The following ROBO2 variants were observed in gnomAD, a reference collection of about 807,000 sequenced individuals.
The protein encoded by ROBO2 is roundabout homolog 2.
ROBO2 carries 53 observed loss-of-function variants against 160.8 expected under a neutral mutation model. The ratio of observed to expected loss-of-function variants is 0.33; its 90% CI spans 0.26 to 0.41. The LOEUF is 0.41. Among genes scored for constraint, ROBO2 ranks in the 10% least tolerant of loss-of-function variants. The pLI is 1.00. For synonymous variants in ROBO2, 664 were observed against 611.7 expected, an observed-to-expected ratio of 1.09 and a Z score of -1.26; for missense variants, 1,577 against 1,722.4, an observed-to-expected ratio of 0.92 and a Z score of 1.49.
intron 2 of ROBO2, among the ~76,000 whole-genome samples, chr3:77,375,911 G>A (rs1382283136): frequency 6.6e-6 from 1 of 152,046 alleles, no homozygotes; most frequent in African/African-American, 2.4e-5. Context: ...TTTCAGTACT[G>A]CATTTTAGCC....
At chr3:77,307,179 C>T (rs184148897) in intron 2 of ROBO2, among the ~76,000 whole-genome samples, 79 of 152,198 alleles carry the variant, frequency 5.2e-4, no homozygotes, top group Admixed American at 1.7e-3. Context: ...ATCCTGGCCT[C>T]GTTAATTTAT....
At chr3:77,009,751 G>A (rs760703052) in intron 2 of ROBO2, among the ~76,000 whole-genome samples, 1 of 151,966 alleles carries the variant, frequency 6.6e-6, no homozygotes, top group Non-Finnish European at 1.5e-5. Flanking sequence ...TTCAGGACAA[G>A]CTTGGCCATC....
chr3:77,602,889 A>C, intron 20 of ROBO2: 1 of 463,306 alleles, frequency 2.2e-6, no homozygotes, highest in South Asian at 1.5e-5. Flanking sequence ...TTGTGCTGTG[A>C]ACTAATCACA....
At chr3:76,344,541 A>T (rs1261440292) in intron 2 of ROBO2, among the ~76,000 whole-genome samples, 1 of 152,154 alleles carries the variant, frequency 6.6e-6, no homozygotes, top group African/African-American at 2.4e-5. Context: ...TCGGGATAGG[A>T]GTTATTTGTA....
intron 2 of ROBO2, among the ~76,000 whole-genome samples, chr3:76,498,018 C>G (rs1384390052): frequency 6.6e-6 from 1 of 152,096 alleles, no homozygotes; most frequent in East Asian, 1.9e-4. Flanking sequence ...TATTTTAAAC[C>G]TCTTTGTTTA....
intron 2 of ROBO2, among the ~76,000 whole-genome samples, chr3:77,266,453 C>T (rs75690988): frequency 0.01 from 1,554 of 152,182 alleles, 21 homozygotes; most frequent in African/African-American, 0.033. Context: ...AGACCTGCTG[C>T]TGATGAGGGC....
In ROBO2 at chr3:77,614,736, ACC is replaced by A. The variant is rs1491129135; in HGVS notation, c.3294-2776_3294-2775del. Among the ~76,000 whole-genome samples the A allele has an allele frequency of 2.6e-3, 382 of 149,272 alleles. 5 individuals are homozygous for A. The highest frequency in any genetic ancestry group is 7.7e-3 in the African/African-American group (309 of 39,980). On this transcript the variant is annotated intron_variant, in intron 21 of 25. Transcript: ENST00000461745. ...ATTCCCCCAAAAAACCAACCAACCA[ACC>A]AACCAACCAACCAACCAAACAAACA...
At chr3:76,856,771 A>C (rs1182033908) in intron 2 of ROBO2, among the ~76,000 whole-genome samples, 3 of 152,214 alleles carry the variant, frequency 2.0e-5, no homozygotes, top group Non-Finnish European at 2.9e-5. Context: ...TAATATATAC[A>C]AAAGTCTAGA....
intron 2 of ROBO2, among the ~76,000 whole-genome samples, chr3:76,265,929 C>G (rs1271443241): frequency 6.6e-6 from 1 of 152,048 alleles, no homozygotes; most frequent in Non-Finnish European, 1.5e-5. Flanking sequence ...ATGAAATGAT[C>G]AAACTCAGGG....
intron 2 of ROBO2, among the ~76,000 whole-genome samples, chr3:76,044,147 C>A (rs1375869055): frequency 6.6e-6 from 1 of 152,028 alleles, no homozygotes; most frequent in Non-Finnish European, 1.5e-5. Flanking sequence ...TCTGTAACCT[C>A]TTTTCTGTAT....
intron 1 of ROBO2, among the ~76,000 whole-genome samples, chr3:77,076,517 T>C (rs1578758716): frequency 6.6e-6 from 1 of 151,014 alleles, no homozygotes; most frequent in Non-Finnish European, 1.5e-5. Flanking sequence ...AAATTTTTTT[T>C]CTGTTATTCT....
At chr3:76,756,919 G>A (rs796375400) in intron 2 of ROBO2, among the ~76,000 whole-genome samples, 28 of 151,978 alleles carry the variant, frequency 1.8e-4, no homozygotes, top group African/African-American at 6.7e-4. Context: ...TGTGGAGAAA[G>A]ACTGTGAAGG....
At chr3:76,278,538 A>G (rs1329059929) in intron 2 of ROBO2, among the ~76,000 whole-genome samples, 1 of 152,008 alleles carries the variant, frequency 6.6e-6, no homozygotes, top group Non-Finnish European at 1.5e-5. Flanking sequence ...TGACAAAGGA[A>G]CGGAAGCTTT....
At chr3:76,922,877 ATTAT>A (rs577049245) in intron 2 of ROBO2, among the ~76,000 whole-genome samples, 234 of 152,296 alleles carry the variant, frequency 1.5e-3, no homozygotes, top group Non-Finnish European at 2.9e-3. Context: ...TAGGGCTGTT[ATTAT>A]TTCATTTAGT....
intron 2 of ROBO2, among the ~76,000 whole-genome samples, chr3:76,787,404 C>T (rs1009653039): frequency 3.8e-4 from 56 of 148,568 alleles, no homozygotes; most frequent in African/African-American, 1.4e-3. Flanking sequence ...AAATGGCTGA[C>T]TAGATTTGGC....
At chr3:77,133,071 T>C (rs1434684946) in intron 2 of ROBO2, among the ~76,000 whole-genome samples, 1 of 152,194 alleles carries the variant, frequency 6.6e-6, no homozygotes, top group Non-Finnish European at 1.5e-5. Context: ...CTTCTTATAA[T>C]CTTCAATACG....
intron 2 of ROBO2, among the ~76,000 whole-genome samples, chr3:76,265,138 G>C (rs564221586): frequency 6.6e-6 from 1 of 152,120 alleles, no homozygotes; most frequent in Non-Finnish European, 1.5e-5. Context: ...CTGAAGCCTG[G>C]AGGCACGTGA....
chr3:76,359,335 A>C (rs1413199375), intron 2 of ROBO2, among the ~76,000 whole-genome samples: 2 of 152,086 alleles, frequency 1.3e-5, no homozygotes, highest in Non-Finnish European at 2.9e-5. Context: ...AAGGTAATAA[A>C]GAATGAGTTT....
At chr3:77,491,934 C>G (rs2086172468) in intron 4 of ROBO2, among the ~76,000 whole-genome samples, 1 of 152,108 alleles carries the variant, frequency 6.6e-6, no homozygotes, top group South Asian at 2.1e-4. Flanking sequence ...GCAACTTACA[C>G]ATTTGTTTTA....
Sources: allele counts gnomAD v4.1 joint callset (sites outside exome capture counted in the v4.1 genomes callset), GRCh38; gene constraint gnomAD v4.1.1; transcripts MANE v1.5; gene names NCBI Gene and HGNC (gene_info 2026-07-23, HGNC 2026-07-21).